Variants in TMEM154 observed in about 807,000 individuals in gnomAD.
The protein encoded by TMEM154 is transmembrane protein 154.
Under a neutral mutation model 24.5 loss-of-function variants are expected in TMEM154, and 27 were observed. The observed-to-expected ratio is 1.10, with a 90% confidence interval of 0.81 to 1.52. TMEM154 has a LOEUF of 1.52. Among genes scored for constraint, TMEM154 ranks in the 40% most tolerant of loss-of-function variants. The pLI is 0.00. For missense variants in TMEM154, 228 were observed against 213.4 expected, an observed-to-expected ratio of 1.07 and a Z score of -0.43; for synonymous variants, 67 against 76.8, an observed-to-expected ratio of 0.87 and a Z score of 0.67.
intron 6 of TMEM154, 24 bp from the exon 7 acceptor site, chr4:152,628,585 AAAAAAAACAAAAAAAACACAC>A: frequency 9.0e-7 from 1 of 1,109,648 alleles, no homozygotes; most frequent in Non-Finnish European, 1.2e-6. Flanking sequence ...AAAAAAAAAA[AAAAAAAACAAAAAAAACACAC>A]ACACACACAC....
intron 1 of TMEM154, among the ~76,000 whole-genome samples, chr4:152,677,525 G>A (rs1460475298): frequency 1.3e-5 from 2 of 152,146 alleles, no homozygotes; most frequent in Non-Finnish European, 2.9e-5. Context: ...TAAAAGTAGT[G>A]TACATTAATT....
In TMEM154 at chr4:152,665,722, A is replaced by G. The variant is rs77389720; in HGVS notation, c.65-12795T>C. On this transcript the variant is annotated intron_variant, in intron 1 of 6. Transcript: ENST00000304385. ...AAACACCTACAGCCCTTCTTAAAAC[A>G]CAGATTGTTGGGCGTAGTCTTACAG... Among the ~76,000 whole-genome samples the G allele has an allele frequency of 9.9e-3, 1,500 of 151,816 alleles. 25 individuals are homozygous for G. The highest frequency in any genetic ancestry group is 0.033 in the African/African-American group (1,366 of 41,372).
chr4:152,627,318 C>T lies in TMEM154; in HGVS notation c.*1228G>A, dbSNP rs1751937999. 1.3e-5 allele frequency: 2 copies of T among 152,154 alleles called. No individual in the cohort carries two copies. The highest frequency in any genetic ancestry group is 4.8e-5 in the African/African-American group (2 of 41,444). The allele number at this position is 152,154 out of a possible 1,614,324, so 9.4% of individuals were successfully genotyped here. A position where few individuals can be genotyped will look rare whatever the true frequency, so the allele number is the denominator to read the frequency against. On this transcript the variant is annotated 3_prime_UTR_variant, in exon 7 of 7. Coordinates refer to ENST00000304385, the MANE Select transcript of TMEM154 (RefSeq NM_152680.3). ...TGGGTAGTAAAATAAATAAAATTTTCCTTCTTTGTCTCTTTCTTGAAATAA... is the reference window on the plus strand; with the variant it reads ...TGGGTAGTAAAATAAATAAAATTTTTCTTCTTTGTCTCTTTCTTGAAATAA...
intron 1 of TMEM154, among the ~76,000 whole-genome samples, chr4:152,654,920 T>A (rs1165280192): frequency 1.3e-5 from 2 of 152,194 alleles, no homozygotes; most frequent in Non-Finnish European, 2.9e-5. Context: ...CATCAGGGAA[T>A]TCATTTGATA....
intron 5 of TMEM154, among the ~76,000 whole-genome samples, chr4:152,642,625 T>TTTTTAA (rs1244225237): frequency 6.6e-6 from 1 of 152,196 alleles, no homozygotes; most frequent in African/African-American, 2.4e-5. Flanking sequence ...CACTCAATAT[T>TTTTTAA]TTTTAATTTT....
At chr4:152,640,391 C>G (rs375482405) in intron 6 of TMEM154, among the ~76,000 whole-genome samples, 2 of 152,272 alleles carry the variant, frequency 1.3e-5, no homozygotes, top group East Asian at 3.9e-4. Context: ...TCTATCCTCA[C>G]AAAAGATAAT....
In TMEM154 at chr4:152,629,867, C is replaced by T. The variant is rs190101056; in HGVS notation, c.537-1306G>A. Among the ~76,000 whole-genome samples, 89 of 152,136 alleles carry T rather than the reference C, an allele frequency of 5.9e-4. No homozygotes were observed. In the East Asian group the frequency reaches 0.015, roughly 25 times the overall value. On this transcript the variant is annotated intron_variant, in intron 6 of 6. Transcript: ENST00000304385. ...ATAAGTAGATAGATAATGGATGGAT[C>T]GATCCATGAAAGGGCAGGAGACATT...
At chr4:152,672,336 T>C (rs1728858865) in intron 1 of TMEM154, among the ~76,000 whole-genome samples, 1 of 152,062 alleles carries the variant, frequency 6.6e-6, no homozygotes, top group South Asian at 2.1e-4. Context: ...AATGAGCAGG[T>C]GGTAGAGAAA....
At chr4:152,650,370 C>CAA (rs74690611) in intron 3 of TMEM154, among the ~76,000 whole-genome samples, 6 of 142,988 alleles carry the variant, frequency 4.2e-5, no homozygotes, top group African/African-American at 1.3e-4. Flanking sequence ...GATTCCATCT[C>CAA]AAAAAAAAAA....
At chr4:152,656,028 C>T (rs533273006) in intron 1 of TMEM154, among the ~76,000 whole-genome samples, 1 of 152,292 alleles carries the variant, frequency 6.6e-6, no homozygotes, top group South Asian at 2.1e-4. Flanking sequence ...ACTGGCACCA[C>T]AGCATTCCTC....
chr4:152,630,762 C>T (rs1752024134), intron 6 of TMEM154, among the ~76,000 whole-genome samples: 1 of 152,030 alleles, frequency 6.6e-6, no homozygotes, highest in Non-Finnish European at 1.5e-5. Flanking sequence ...ACAAAAATAC[C>T]AATAATCTCA....
chr4:152,657,131 T>G (rs1163788589), intron 1 of TMEM154, among the ~76,000 whole-genome samples: 1 of 145,202 alleles, frequency 6.9e-6, no homozygotes, highest in Non-Finnish European at 1.5e-5. Context: ...CAGATAAAAA[T>G]AAAGAAAAAA....
chr4:152,673,475 A>G (rs1187779383), intron 1 of TMEM154, among the ~76,000 whole-genome samples: 1 of 151,990 alleles, frequency 6.6e-6, no homozygotes, highest in East Asian at 1.9e-4. Flanking sequence ...TAATTTTTGT[A>G]TTTTTAGTAG....
chr4:152,678,234 G>C (rs936328859), intron 1 of TMEM154, among the ~76,000 whole-genome samples: 2 of 152,094 alleles, frequency 1.3e-5, no homozygotes, highest in Non-Finnish European at 2.9e-5. Context: ...GGGTCCTTAA[G>C]GGGGAAGATG....
chr4:152,657,442 A>C (rs1728512472), intron 1 of TMEM154, among the ~76,000 whole-genome samples: 1 of 152,094 alleles, frequency 6.6e-6, no homozygotes, highest in African/African-American at 2.4e-5. Context: ...TGAGCCCTGG[A>C]GGCAGAGGTT....
At chr4:152,631,989 A>G (rs1337190317) in intron 6 of TMEM154, among the ~76,000 whole-genome samples, 1 of 150,900 alleles carries the variant, frequency 6.6e-6, no homozygotes, top group Admixed American at 6.6e-5. Flanking sequence ...GTACTTTTTT[A>G]GTAGAGGTGG....
Position 152,658,378 on chromosome 4 carries a change from G to A in TMEM154, c.65-5451C>T, listed in dbSNP as rs139059573. On this transcript the variant is annotated intron_variant, in intron 1 of 6. Coordinates refer to ENST00000304385, the MANE Select transcript of TMEM154 (RefSeq NM_152680.3). ...AGACAATCTAGTGATGCATCTCAAG[G>A]AACTAGAAAAGCAAGAGCAAATCAA... Among the ~76,000 whole-genome samples, 409 of 151,948 alleles carry A rather than the reference G, an allele frequency of 2.7e-3. 2 individuals carry two copies. Among genetic ancestry groups the A allele is most frequent in the East Asian group, 0.017 (89 of 5,178 alleles).
chr4:152,652,994 T>C, intron 1 of TMEM154, 67 bp from the exon 2 acceptor site: 1 of 1,440,362 alleles, frequency 6.9e-7, no homozygotes, highest in Non-Finnish European at 9.3e-7. Flanking sequence ...TTGTCAATGA[T>C]TTTTAAATTA....
At position 152,622,623 on chromosome 4, in the gene TMEM154, A is replaced by T. The variant is rs1252273448; in HGVS notation, c.*5923T>A. On this transcript the variant is annotated 3_prime_UTR_variant, in exon 7 of 7. Transcript: ENST00000304385. Reference sequence around the variant, plus strand: ...GCCAAATGAGCAATTTAGCACACAAACATGTACTTATTTTATTTAAAAAAA... The same window carrying T: ...GCCAAATGAGCAATTTAGCACACAATCATGTACTTATTTTATTTAAAAAAA... The T allele has an allele frequency of 6.6e-6, 1 of 152,056 alleles. No homozygotes were observed. Among genetic ancestry groups the T allele is most frequent in the Non-Finnish European group, 1.5e-5 (1 of 68,010 alleles). 9.4% of individuals were successfully genotyped at this position (152,056 alleles called of 1,614,324 possible). A position where few individuals can be genotyped will look rare whatever the true frequency, so the allele number is the denominator to read the frequency against.
Sources: allele counts gnomAD v4.1 joint callset (sites outside exome capture counted in the v4.1 genomes callset), GRCh38; gene constraint gnomAD v4.1.1; transcripts MANE v1.5; gene names NCBI Gene and HGNC (gene_info 2026-07-23, HGNC 2026-07-21).